CYP2C8: variants seen among roughly 807,000 people sequenced by gnomAD.
CYP2C8 encodes the protein cytochrome P450 family 2 subfamily C member 8.
A neutral mutation model predicts 41.3 loss-of-function variants in CYP2C8; 51 were observed. The observed-to-expected ratio is 1.24, with a 90% CI of 0.99 to 1.56. The LOEUF (loss-of-function observed/expected upper bound fraction) is 1.56, where lower values mean the gene tolerates loss of function less well. Ranked by LOEUF, CYP2C8 falls within the 40% of genes most tolerant of loss-of-function variation. CYP2C8 has a pLI of 0.00. For missense variants in CYP2C8, 651 were observed against 579.9 expected (o/e 1.12, Z -1.26); for synonymous variants, 218 against 205.8 (o/e 1.06, Z -0.51).
At chr10:95,057,763 C>A (rs957458404) in intron 5 of CYP2C8, among the ~76,000 whole-genome samples, 2 of 152,182 alleles carry the variant, frequency 1.3e-5, no homozygotes, top group African/African-American at 2.4e-5. Flanking sequence ...TCACAGGTTA[C>A]CTGATAAACA....
chr10:95,053,255 G>A lies in CYP2C8; in HGVS notation c.819+5080C>T, dbSNP rs141456520. ...CAGTTAGAATGGTGATCATTAAAAA[G>A]TCAGGAAACAACAGATGCTGGCGAT... On this transcript the variant is annotated intron_variant, in intron 5 of 8. Transcript: ENST00000371270. Among the ~76,000 whole-genome samples, 4 of 152,232 alleles carry A rather than the reference G, an allele frequency of 2.6e-5. No homozygotes were observed. The East Asian group carries it at 7.7e-4, about 29-fold the overall frequency.
At position 95,047,525 on chromosome 10, in the gene CYP2C8, A is replaced by G. The variant is rs2033132597; in HGVS notation, c.820-1574T>C. Among the ~76,000 whole-genome samples the G allele has an allele frequency of 4.6e-5, 7 of 152,220 alleles. No homozygotes were observed. In the South Asian group the frequency reaches 1.4e-3, roughly 31 times the overall value. On this transcript the variant is annotated intron_variant, in intron 5 of 8. Transcript: ENST00000371270. ...TATAGTGAAAGAGAATGAGTTCACA[A>G]AGACAAGACAGGTCTAACAAAGTTG...
At chr10:95,044,787 T>C (rs1452366886) in intron 6 of CYP2C8, among the ~76,000 whole-genome samples, 1 of 152,138 alleles carries the variant, frequency 6.6e-6, no homozygotes, top group African/African-American at 2.4e-5. Context: ...AGAGCCTCCC[T>C]TTTCAGTCTC....
chr10:95,038,005 A>G (rs1464622870), intron 8 of CYP2C8, among the ~76,000 whole-genome samples: 1 of 152,180 alleles, frequency 6.6e-6, no homozygotes, highest in East Asian at 1.9e-4. Flanking sequence ...TTATTTATCT[A>G]TTGTGGTAAA....
At chr10:95,066,151 AGAGTGTGTGT>A (rs1259097482) in intron 3 of CYP2C8, among the ~76,000 whole-genome samples, 976 of 82,668 alleles carry the variant, frequency 0.012, 4 homozygotes, top group Middle Eastern at 0.047. Flanking sequence ...AGAGAGAGAG[AGAGTGTGTGT>A]GTGTGTGTGT....
rs770367683 is a variant in CYP2C8 at position 95,058,509 on chromosome 10, G to C, written c.645C>G (p.Val215=). 1 of 1,609,652 alleles carries C rather than the reference G, an allele frequency of 6.2e-7. No homozygotes were observed. Among genetic ancestry groups the C allele is most frequent in the Non-Finnish European group, 8.5e-7 (1 of 1,177,156 alleles). ...CAATGAGTAGAGGGAAATTATTGCA[G>C]ACCTAAAAGAGAAAAGAATATTAAA... The part of the protein sequence containing the change: ...FRILNSPWIQ[V]CNNFPLLIDC... Residue 215 remains valine (V), a splice_region_variant and synonymous_variant, in exon 5 of 9, where the codon GTC becomes GTG. Transcript: ENST00000371270.
In CYP2C8 at chr10:95,067,236, G is replaced by A. The variant is rs1390223040; in HGVS notation, c.453C>T (p.Cys151=). The part of the protein sequence containing the change: ...IEDRVQEEAH[C]LVEELRKTKA... ...TGGTTTTTCTCAACTCCTCCACAAG[G>A]CAGTGAGCTTCCTCTTGAACACGGT... Residue 151 remains cysteine (C), a synonymous_variant, in exon 3 of 9, where the codon TGC becomes TGT. Coordinates refer to ENST00000371270, the MANE Select transcript of CYP2C8 (RefSeq NM_000770.3). 3 of 1,614,022 alleles carry A rather than the reference G, an allele frequency of 1.9e-6. No homozygotes were observed. The highest frequency in any genetic ancestry group is 2.7e-5 in the African/African-American group (2 of 74,916).
In CYP2C8 at chr10:95,068,461, C is replaced by A. The variant is rs1197998144; in HGVS notation, c.169-770G>T. 7.3e-6 allele frequency: 4 copies of A among 551,138 alleles called. No individual in the cohort carries two copies. The African/African-American group carries it at 7.8e-5, about 11-fold the overall frequency. The allele number at this position is 551,138 out of a possible 1,614,324, so 34.1% of individuals were successfully genotyped here. ...TTCATGCACTTATGTTTGCCCTGAACCCACAGATATTTATTTCACATCAGC... is the reference window on the plus strand; with the variant it reads ...TTCATGCACTTATGTTTGCCCTGAAACCACAGATATTTATTTCACATCAGC... On this transcript the variant is annotated intron_variant, in intron 1 of 8. Coordinates refer to ENST00000371270, the MANE Select transcript of CYP2C8 (RefSeq NM_000770.3).
At chr10:95,039,414 C>T in intron 7 of CYP2C8, 1 of 271,004 alleles carries the variant, frequency 3.7e-6, no homozygotes, top group Non-Finnish European at 7.2e-6. Flanking sequence ...TTGAAATGTC[C>T]AGAGTATCTG....
chr10:95,042,792 G>T, intron 7 of CYP2C8, 98 bp downstream of exon 7: 2 of 1,003,560 alleles, frequency 2.0e-6, no homozygotes, highest in Non-Finnish European at 1.6e-6. Flanking sequence ...TATGAGTTTT[G>T]CACTTCTCTC....
chr10:95,058,481 A>G lies in CYP2C8; in HGVS notation c.673T>C (p.Cys225Arg). 2 of 1,613,056 alleles carry G rather than the reference A, an allele frequency of 1.2e-6. No homozygotes were observed. Among genetic ancestry groups the G allele is most frequent in the African/African-American group, 2.7e-5 (2 of 75,006 alleles). The change falls in exon 5 of 9, where the codon TGT becomes CGT. Residue 225 changes from cysteine to arginine, a missense_variant. Coordinates refer to ENST00000371270, the MANE Select transcript of CYP2C8 (RefSeq NM_000770.3). ...VCNNFPLLID[C>R]FPGTHNKVLK... ...ACTTTGTTGTGAGTTCCTGGGAAACAATCAATGAGTAGAGGGAAATTATTG... is the reference window on the plus strand; with the variant it reads ...ACTTTGTTGTGAGTTCCTGGGAAACGATCAATGAGTAGAGGGAAATTATTG...
intron 5 of CYP2C8, among the ~76,000 whole-genome samples, chr10:95,048,014 T>C (rs1333748327): frequency 6.6e-6 from 1 of 152,162 alleles, no homozygotes; most frequent in East Asian, 1.9e-4. Context: ...GTCTGCCAAA[T>C]TGGGTAGGGA....
At chr10:95,060,506 A>T (rs932103613) in intron 4 of CYP2C8, among the ~76,000 whole-genome samples, 5 of 152,166 alleles carry the variant, frequency 3.3e-5, no homozygotes, top group Non-Finnish European at 7.4e-5. Flanking sequence ...ATCCCGAGAC[A>T]TTGCTGAAGT....
rs529725725 is a variant in CYP2C8 at position 95,037,187 on chromosome 10, C to T, written c.1414G>A (p.Val472Ile). The T allele has an allele frequency of 2.5e-6, 4 of 1,613,948 alleles. No homozygotes were observed. The Admixed American group carries it at 5.0e-5, about 20-fold the overall frequency. The change falls in exon 9 of 9, where the codon GTT (valine) becomes ATT (isoleucine). Residue 472 changes from valine (V) to isoleucine (I), a missense_variant. Physicochemically the swap from Val to Ile is conservative, Grantham distance 29. Transcript: ENST00000371270. ...GGCAGAGAAACAATCCCTTTGGTAA[C>T]TGCAGTAGTATTGAGGTTCTTTAAA... ...DDLKNLNTTA[V>I]TKGIVSLPPS... is the part of the protein sequence containing the mutation.
chr10:95,041,484 T>TA (rs1251236283), intron 7 of CYP2C8, among the ~76,000 whole-genome samples: 1 of 152,150 alleles, frequency 6.6e-6, no homozygotes, highest in Non-Finnish European at 1.5e-5. Flanking sequence ...TACTGGCTTT[T>TA]AAAAAATCTG....
Position 95,058,355 on chromosome 10 carries a change from A to C in CYP2C8, c.799T>G (p.Phe267Val). The change falls in exon 5 of 9, where the codon TTC (phenylalanine) becomes GTC (valine). Residue 267 changes from phenylalanine (F) to valine (V), a missense_variant. Physicochemically the swap from Phe to Val is conservative, Grantham distance 50 (BLOSUM62 -1). Coordinates refer to ENST00000371270, the MANE Select transcript of CYP2C8 (RefSeq NM_000770.3). ...CTTACCTGCTCCATTTTGATCAGGA[A>C]GCAATCGATAAAGTCCCGAGGATTG... Reference protein sequence around the residue: ...VNNPRDFIDCFLIKMEQEKDN... With the variant: ...VNNPRDFIDCVLIKMEQEKDN... 10 of 1,613,320 alleles carry C rather than the reference A, an allele frequency of 6.2e-6. No homozygotes were observed. The highest frequency in any genetic ancestry group is 8.5e-6 in the Non-Finnish European group (10 of 1,179,534).
chr10:95,067,265 C>T lies in CYP2C8; in HGVS notation c.424G>A (p.Glu142Lys), dbSNP rs780488900. 3 of 1,614,206 alleles carry T rather than the reference C, an allele frequency of 1.9e-6. No individual in the cohort carries two copies. The East Asian group carries it at 6.7e-5, about 36-fold the overall frequency. The stretch of plus-strand genomic sequence containing the variant: ...TGAGCTTCCTCTTGAACACGGTCCT[C>T]AATGCTCCTCTTCCCCATCCCAAAA... ...RNFGMGKRSIEDRVQEEAHCL... is the reference protein window; with the variant it reads ...RNFGMGKRSIKDRVQEEAHCL... The change falls in exon 3 of 9, where the codon GAG becomes AAG. Residue 142 changes from glutamate to lysine, a missense_variant. Physicochemically the swap from Glu to Lys is moderately conservative, Grantham distance 56. Transcript: ENST00000371270.
chr10:95,044,468 C>T (rs532242255), intron 6 of CYP2C8, among the ~76,000 whole-genome samples: 8 of 152,248 alleles, frequency 5.3e-5, no homozygotes, highest in Non-Finnish European at 1.0e-4. Context: ...TTATAGATAA[C>T]TTTCTATTAA....
intron 5 of CYP2C8, among the ~76,000 whole-genome samples, chr10:95,057,390 G>T (rs1443536365): frequency 1.3e-5 from 2 of 152,080 alleles, no homozygotes; most frequent in Admixed American, 6.6e-5. Flanking sequence ...ATAATTTTCT[G>T]AATTAATCTA....
Sources: allele counts gnomAD v4.1 joint callset (sites outside exome capture counted in the v4.1 genomes callset), GRCh38; gene constraint gnomAD v4.1.1; transcripts MANE v1.5; gene names NCBI Gene and HGNC (gene_info 2026-07-23, HGNC 2026-07-21).